Variants in EMC3 observed in about 807,000 individuals in gnomAD.
EMC3 encodes ER membrane protein complex subunit 3.
EMC3 carries 13 observed loss-of-function variants against 36.6 expected under a neutral mutation model. The ratio of observed to expected loss-of-function variants is 0.35; its 90% CI spans 0.23 to 0.56. EMC3 has a LOEUF of 0.56. Among genes scored for constraint, EMC3 ranks in the 20% least tolerant of loss-of-function variants. The probability of loss-of-function intolerance (pLI) is 0.84; values close to 1 mark genes in which losing one functional copy is unlikely to be tolerated. For synonymous variants in EMC3, 120 were observed against 111.9 expected (o/e 1.07, Z -0.46); for missense variants, 220 against 324.5 (o/e 0.68, Z 2.47).
Position 9,963,848 on chromosome 3 carries a change from G to GT in EMC3, c.*220_*221insA, listed in dbSNP as rs1348785861. ...CTTTCATTACTAGAGTCACCAGAAG[G>GT]AACATTTACAACATTTTAAAAATAA... On this transcript the variant is annotated 3_prime_UTR_variant, in exon 8 of 8. Transcript: ENST00000245046. 7.2e-6 allele frequency: 4 copies of GT among 556,006 alleles called. No homozygotes were observed. Among genetic ancestry groups the GT allele is most frequent in the Non-Finnish European group, 1.2e-5 (4 of 340,796 alleles). 34.4% of individuals were successfully genotyped at this position (556,006 alleles called of 1,614,324 possible). A position where few individuals can be genotyped will look rare whatever the true frequency, so the allele number is the denominator to read the frequency against.
intron 2 of EMC3, 137 bp from the exon 3 acceptor site, chr3:9,977,187 G>T: frequency 1.2e-6 from 1 of 860,710 alleles, no homozygotes; most frequent in Non-Finnish European, 1.8e-6. Flanking sequence ...CTTGGCAGGC[G>T]ACCTGACACT....
chr3:10,009,626 C>T (rs1575709561), intron 1 of EMC3, among the ~76,000 whole-genome samples: 1 of 152,326 alleles, frequency 6.6e-6, no homozygotes, highest in East Asian at 1.9e-4. Flanking sequence ...TTCTTGAAGC[C>T]GAGTTCCAGA....
At chr3:9,993,480 T>C (rs1414457732) in intron 1 of EMC3, among the ~76,000 whole-genome samples, 4 of 152,216 alleles carry the variant, frequency 2.6e-5, no homozygotes, top group African/African-American at 7.2e-5. Flanking sequence ...AATACCTCAT[T>C]GGATCTTACA....
chr3:10,004,432 C>G (rs960421209), intron 1 of EMC3: 5 of 152,248 alleles, frequency 3.3e-5, no homozygotes, highest in African/African-American at 1.2e-4. Context: ...CCATGGCCAC[C>G]TACCTTGTTT....
intron 5 of EMC3, 37 bp downstream of exon 5, chr3:9,973,591 T>C (rs763632021): frequency 1.6e-5 from 25 of 1,583,834 alleles, no homozygotes. Context: ...TCCCAAAGTG[T>C]GGTTTGTGTT....
upstream of EMC3, chr3:9,987,418 G>T: frequency 2.3e-6 from 1 of 441,544 alleles, no homozygotes; most frequent in Non-Finnish European, 3.0e-6. Flanking sequence ...AGTCCCCACA[G>T]GTACCTTTCT....
chr3:9,973,807 G>C (rs987330990), intron 4 of EMC3, 98 bp from the exon 5 acceptor site: 30 of 1,163,822 alleles, frequency 2.6e-5, no homozygotes, highest in Non-Finnish European at 3.4e-5. Flanking sequence ...GTGCCACATA[G>C]CTTTTGGAAA....
chr3:9,993,863 G>A (rs1211209832), intron 1 of EMC3, among the ~76,000 whole-genome samples: 2 of 152,200 alleles, frequency 1.3e-5, no homozygotes, highest in African/African-American at 2.4e-5. Context: ...CTGGGGGGTC[G>A]TGTGATTGCA....
At chr3:9,980,348 C>G (rs1282689497) in intron 1 of EMC3, among the ~76,000 whole-genome samples, 1 of 149,534 alleles carries the variant, frequency 6.7e-6, no homozygotes, top group African/African-American at 2.5e-5. Context: ...GTCTTAAGAG[C>G]AAAAGGAAAC....
intron 7 of EMC3, among the ~76,000 whole-genome samples, chr3:9,966,318 G>A (rs1018329858): frequency 1.3e-5 from 2 of 151,236 alleles, no homozygotes; most frequent in Non-Finnish European, 2.9e-5. Context: ...CGCCTCCCAG[G>A]TTTAGGCAAT....
At chr3:9,986,917 G>T, upstream of EMC3, 1 of 1,278,164 alleles carries the variant, frequency 7.8e-7, no homozygotes, top group Non-Finnish European at 1.0e-6. Flanking sequence ...CGGGAAAGTG[G>T]AAAACTATCG....
chr3:9,973,031 T>C (rs1038454219), intron 5 of EMC3, among the ~76,000 whole-genome samples: 2 of 151,218 alleles, frequency 1.3e-5, no homozygotes, highest in African/African-American at 2.4e-5. Context: ...GGTTTCACAG[T>C]GTTAGCCAGG....
upstream of EMC3, chr3:9,988,471 G>A (rs897085232): frequency 1.6e-5 from 22 of 1,354,728 alleles, no homozygotes; most frequent in African/African-American, 2.4e-4. Flanking sequence ...CAGAAGCCTG[G>A]ATTAAGGTGG....
chr3:9,988,157 A>G (rs2086001447), upstream of EMC3: 4 of 550,986 alleles, frequency 7.3e-6, no homozygotes, highest in East Asian at 1.2e-4. Context: ...ATCGTTTTTC[A>G]AATTACGTAT....
intron 1 of EMC3, among the ~76,000 whole-genome samples, chr3:9,985,229 C>CA (rs1259082220): frequency 6.6e-6 from 1 of 152,050 alleles, no homozygotes; most frequent in Non-Finnish European, 1.5e-5. Context: ...AGTATTGTCA[C>CA]AAAAAAGAAA....
rs185849750 is a variant in EMC3 at position 9,973,179 on chromosome 3, G to A, written c.494+449C>T. 6.7e-4 allele frequency among the ~76,000 whole-genome samples: 100 copies of A among 150,056 alleles called. 1 individual carries two copies. The highest frequency in any genetic ancestry group is 1.2e-3 in the Non-Finnish European group (82 of 67,466). ...TTAGATTTTGGTTTGTGAGGTTTTT[G>A]TTTTCGTTTTTTGTTTGTTTGTTTG... On this transcript the variant is annotated intron_variant, in intron 5 of 7. Coordinates refer to ENST00000245046, the MANE Select transcript of EMC3 (RefSeq NM_001394674.1).
chr3:9,988,825 C>G, upstream of EMC3: 4 of 929,998 alleles, frequency 4.3e-6, no homozygotes, highest in South Asian at 5.5e-5. Context: ...TTCCCACTGT[C>G]TTTCTTTCTC....
chr3:9,977,467 A>C (rs1182401518), intron 1 of EMC3, 21 bp from the exon 2 acceptor site: 1 of 1,605,740 alleles, frequency 6.2e-7, no homozygotes, highest in South Asian at 1.1e-5. Flanking sequence ...CAACCAACAC[A>C]ATGAGATTTT....
chr3:9,985,257 G>C (rs967821346), intron 1 of EMC3, among the ~76,000 whole-genome samples: 1 of 152,130 alleles, frequency 6.6e-6, no homozygotes, highest in African/African-American at 2.4e-5. Context: ...AAGTACAGTA[G>C]AAACAAAACA....
Sources: allele counts gnomAD v4.1 joint callset (sites outside exome capture counted in the v4.1 genomes callset), GRCh38; gene constraint gnomAD v4.1.1; transcripts MANE v1.5; gene names NCBI Gene and HGNC (gene_info 2026-07-23, HGNC 2026-07-21).